The following KLF8 variants were observed in gnomAD, a reference collection of about 807,000 sequenced individuals.
KLF8 encodes the protein Krueppel-like factor 8.
Under a neutral mutation model 18.2 loss-of-function variants are expected in KLF8, and 10 were observed. The ratio of observed to expected loss-of-function variants is 0.55; its 90% CI spans 0.34 to 0.93. The LOEUF (loss-of-function observed/expected upper bound fraction) is 0.93, where lower values mean the gene tolerates loss of function less well. KLF8 is among the 40% of genes least tolerant of loss of function. The pLI, the probability that KLF8 is intolerant of heterozygous loss-of-function variation, is 0.02. For synonymous variants in KLF8, 109 were observed against 97.3 expected, an observed-to-expected ratio of 1.12 and a Z score of -0.71; for missense variants, 264 against 277.9, an observed-to-expected ratio of 0.95 and a Z score of 0.36.
the KLF8 span, among the ~76,000 whole-genome samples, chrX:56,135,091 A>T: frequency 9.0e-6 from 1 of 111,712 alleles, no homozygotes. Flanking sequence ...GAACACTTTT[A>T]CACTGTTGGT....
the KLF8 span, among the ~76,000 whole-genome samples, chrX:56,207,802 C>T: frequency 9.1e-5 from 10 of 110,315 alleles, no homozygotes; most frequent in African/African-American, 3.3e-4. Flanking sequence ...TTTACAGCCA[C>T]ACCCCACTCT....
At chrX:56,071,543 A>G in the KLF8 span, among the ~76,000 whole-genome samples, 2 of 112,292 alleles carry the variant, frequency 1.8e-5, no homozygotes, top group East Asian at 5.5e-4. Context: ...TGTCTTCGAT[A>G]GAAGCTTTTC....
the KLF8 span, among the ~76,000 whole-genome samples, chrX:56,002,871 G>A: frequency 1.8e-5 from 2 of 111,814 alleles, no homozygotes; most frequent in African/African-American, 6.5e-5. Flanking sequence ...AGAGTAACAA[G>A]TACAAAGTAC....
the KLF8 span, among the ~76,000 whole-genome samples, chrX:56,142,883 A>G: frequency 9.8e-5 from 11 of 111,872 alleles, no homozygotes; most frequent in African/African-American, 3.6e-4. Context: ...TAACATTACT[A>G]CTGTGATGCA....
the KLF8 span, among the ~76,000 whole-genome samples, chrX:55,939,327 C>G: frequency 9.0e-6 from 1 of 111,149 alleles, no homozygotes; most frequent in East Asian, 2.8e-4. Flanking sequence ...TTGAAACCAA[C>G]GAGAGCAAAG....
chrX:56,182,832 C>T, the KLF8 span, among the ~76,000 whole-genome samples: 1 of 112,295 alleles, frequency 8.9e-6, no homozygotes, highest in African/African-American at 3.2e-5. Flanking sequence ...CTTCTGGAAG[C>T]TTCATCTCAG....
the KLF8 span, among the ~76,000 whole-genome samples, chrX:56,211,032 A>G: frequency 9.0e-6 from 1 of 110,793 alleles, no homozygotes; most frequent in Admixed American, 9.6e-5. Flanking sequence ...TTTCTCCAGG[A>G]TTGGCCATTT....
the KLF8 span, among the ~76,000 whole-genome samples, chrX:56,171,522 C>A: frequency 1.8e-5 from 2 of 110,732 alleles, no homozygotes; most frequent in Non-Finnish European, 3.8e-5. Flanking sequence ...ATCCCTCCCC[C>A]TCCCTGAACC....
At chrX:56,106,331 T>G in the KLF8 span, among the ~76,000 whole-genome samples, 1 of 112,143 alleles carries the variant, frequency 8.9e-6, no homozygotes, top group African/African-American at 3.2e-5. Context: ...AGTTCCATTC[T>G]CCCCATCACT....
the KLF8 span, among the ~76,000 whole-genome samples, chrX:56,007,767 G>A: frequency 9.0e-6 from 1 of 111,043 alleles, no homozygotes; most frequent in African/African-American, 3.3e-5. Flanking sequence ...GACTAAAAAA[G>A]GGACCCATTT....
At chrX:56,067,633 G>A in the KLF8 span, among the ~76,000 whole-genome samples, 2 of 111,937 alleles carry the variant, frequency 1.8e-5, no homozygotes, top group Non-Finnish European at 3.8e-5. Flanking sequence ...AGAGAGCCAG[G>A]AGAACCTCTC....
At chrX:56,063,678 G>A in the KLF8 span, among the ~76,000 whole-genome samples, 15 of 111,788 alleles carry the variant, frequency 1.3e-4, no homozygotes, top group African/African-American at 4.9e-4. Flanking sequence ...TGGAGGTCAA[G>A]TGCTGTGCTG....
At chrX:56,194,530 C>T in the KLF8 span, among the ~76,000 whole-genome samples, 5 of 112,215 alleles carry the variant, frequency 4.5e-5, no homozygotes, top group Non-Finnish European at 9.4e-5. Context: ...ATTGCTGATG[C>T]TTGAGTACAT....
chrX:56,187,181 T>C, the KLF8 span, among the ~76,000 whole-genome samples: 3 of 111,229 alleles, frequency 2.7e-5, no homozygotes, highest in African/African-American at 9.8e-5. Flanking sequence ...TAAAAAATGA[T>C]AAAGGGGATA....
chrX:56,242,473 G>A (rs1397487807), intron 1 of KLF8, among the ~76,000 whole-genome samples: 1 of 112,071 alleles, frequency 8.9e-6, no homozygotes, highest in African/African-American at 3.2e-5. Flanking sequence ...ATTTTTACAT[G>A]TGTTATCATG....
the KLF8 span, among the ~76,000 whole-genome samples, chrX:55,996,910 G>A: frequency 0.53 from 58,480 of 111,135 alleles, 13,681 homozygotes; most frequent in East Asian, 0.75. Context: ...ACACACATGC[G>A]TGCTAGTGGG....
the KLF8 span, among the ~76,000 whole-genome samples, chrX:56,041,697 G>GTT: frequency 9.2e-6 from 1 of 109,216 alleles, no homozygotes; most frequent in African/African-American, 3.3e-5. Flanking sequence ...TGTTGTTGTT[G>GTT]TTGTTGTTTT....
At chrX:55,927,280 C>A in the KLF8 span, among the ~76,000 whole-genome samples, 1 of 112,005 alleles carries the variant, frequency 8.9e-6, no homozygotes, top group Admixed American at 9.5e-5. Flanking sequence ...CCAGTAGCAA[C>A]TCCTCCGTTG....
At chrX:56,195,887 G>T in the KLF8 span, among the ~76,000 whole-genome samples, 1 of 111,862 alleles carries the variant, frequency 8.9e-6, no homozygotes, top group Non-Finnish European at 1.9e-5. Flanking sequence ...GGATCTCCTG[G>T]CAGAAACCTT....
Sources: gnomAD v4.1 joint callset for allele counts (sites outside exome capture counted in the v4.1 genomes callset) on GRCh38, gnomAD v4.1.1 for gene constraint, MANE v1.5 for transcripts, NCBI Gene and HGNC (gene_info 2026-07-23, HGNC 2026-07-21) for gene names.